Variants in MACROD2 observed in about 807,000 individuals in gnomAD.
MACROD2 encodes the protein ADP-ribose glycohydrolase MACROD2.
In MACROD2, 36 loss-of-function variants were observed where a neutral mutation model predicts 70.4. The ratio of observed to expected loss-of-function variants is 0.51; its 90% CI spans 0.39 to 0.68. The LOEUF (loss-of-function observed/expected upper bound fraction) is 0.68. Ranked by LOEUF, MACROD2 falls within the 30% of genes least tolerant of loss-of-function variation. The pLI, the probability that MACROD2 is intolerant of heterozygous loss-of-function variation, is 0.00. For synonymous variants in MACROD2, 172 were observed against 178.8 expected (o/e 0.96, Z 0.30); for missense variants, 496 against 538.4 (o/e 0.92, Z 0.78).
At chr20:14,155,317 A>G (rs1601289528) in intron 3 of MACROD2, among the ~76,000 whole-genome samples, 1 of 152,186 alleles carries the variant, frequency 6.6e-6, no homozygotes, top group East Asian at 1.9e-4. Flanking sequence ...TGGCTCAAAA[A>G]TCAGTTAAAA....
intron 3 of MACROD2, among the ~76,000 whole-genome samples, chr20:14,282,886 G>A (rs1251335622): frequency 6.6e-6 from 1 of 152,156 alleles, no homozygotes; most frequent in Non-Finnish European, 1.5e-5. Context: ...CTTCCCACTA[G>A]GCCCCACCTC....
intron 8 of MACROD2, among the ~76,000 whole-genome samples, chr20:15,620,989 G>A (rs901074699): frequency 6.6e-6 from 1 of 152,108 alleles, no homozygotes; most frequent in African/African-American, 2.4e-5. Flanking sequence ...AAGTTTTGTG[G>A]ACTCCCCGGT....
intron 8 of MACROD2, among the ~76,000 whole-genome samples, chr20:15,542,030 C>T (rs750746043): frequency 6.6e-6 from 1 of 152,156 alleles, no homozygotes. Context: ...GAAAGAAACC[C>T]GTGTGACTGC....
chr20:14,384,621 G>A (rs1480430784), intron 3 of MACROD2, among the ~76,000 whole-genome samples: 1 of 152,144 alleles, frequency 6.6e-6, no homozygotes, highest in Non-Finnish European at 1.5e-5. Context: ...AATGGAGTCT[G>A]AGCAAGTGGA....
intron 7 of MACROD2, among the ~76,000 whole-genome samples, chr20:15,494,994 A>C (rs1890740428): frequency 6.6e-6 from 1 of 152,182 alleles, no homozygotes; most frequent in Admixed American, 6.5e-5. Context: ...AACTCCCTGC[A>C]TGCCTGACCC....
chr20:15,144,977 TGTGTG>T (rs1477249911), intron 5 of MACROD2, among the ~76,000 whole-genome samples: 1 of 152,198 alleles, frequency 6.6e-6, no homozygotes, highest in Non-Finnish European at 1.5e-5. Context: ...ATTTGGCACT[TGTGTG>T]GTACATATAT....
chr20:15,668,848 G>T (rs1474411752), intron 8 of MACROD2, among the ~76,000 whole-genome samples: 1 of 152,196 alleles, frequency 6.6e-6, no homozygotes, highest in African/African-American at 2.4e-5. Flanking sequence ...TTAGCAAAAT[G>T]GTGATTCTCT....
intron 5 of MACROD2, among the ~76,000 whole-genome samples, chr20:15,047,184 G>A (rs560184341): frequency 6.6e-6 from 1 of 152,160 alleles, no homozygotes; most frequent in Non-Finnish European, 1.5e-5. Flanking sequence ...ACATCTGATT[G>A]AGGATACGTG....
intron 5 of MACROD2, among the ~76,000 whole-genome samples, chr20:15,010,439 C>T (rs1169382438): frequency 3.9e-5 from 6 of 152,196 alleles, no homozygotes; most frequent in African/African-American, 1.4e-4. Context: ...CCCAAGATCA[C>T]TATAGCCGTG....
intron 3 of MACROD2, among the ~76,000 whole-genome samples, chr20:14,221,512 A>G (rs1003724170): frequency 6.6e-6 from 1 of 152,220 alleles, no homozygotes; most frequent in Non-Finnish European, 1.5e-5. Context: ...TAAATGTAAG[A>G]CCTGAAATGA....
intron 10 of MACROD2, among the ~76,000 whole-genome samples, chr20:15,888,202 A>C (rs1325167570): frequency 6.6e-6 from 1 of 152,198 alleles, no homozygotes; most frequent in Non-Finnish European, 1.5e-5. Flanking sequence ...CTTTTATAAA[A>C]CATAGAGCTC....
intron 4 of MACROD2, among the ~76,000 whole-genome samples, chr20:14,667,797 C>G (rs73102511): frequency 4.6e-5 from 7 of 152,252 alleles, no homozygotes; most frequent in Non-Finnish European, 7.4e-5. Context: ...CTCTTCTCTC[C>G]TATAGCCACT....
At position 14,050,145 on chromosome 20, in the gene MACROD2, G is replaced by A. The variant is rs368016416; in HGVS notation, c.164-35476G>A. Among the ~76,000 whole-genome samples, 7 of 150,346 alleles carry A rather than the reference G, an allele frequency of 4.7e-5. No homozygotes were observed. In the East Asian group the frequency reaches 1.2e-3, roughly 25 times the overall value. On this transcript the variant is annotated intron_variant, in intron 2 of 17. Transcript: ENST00000684519. ...TAGTAGCTGGATACTTCCCTTCCTC[G>A]CTTCCTCATTCATACTGAATGATCA...
intron 2 of MACROD2, among the ~76,000 whole-genome samples, chr20:14,060,827 T>C (rs1230456619): frequency 2.0e-5 from 3 of 152,180 alleles, no homozygotes; most frequent in Non-Finnish European, 2.9e-5. Flanking sequence ...TGTGAATTCA[T>C]TGAGTATAGT....
chr20:14,422,397 C>A (rs939661103), intron 3 of MACROD2, among the ~76,000 whole-genome samples: 5 of 152,172 alleles, frequency 3.3e-5, no homozygotes, highest in African/African-American at 1.2e-4. Context: ...GATTTTAATA[C>A]ATTTACACTT....
At chr20:15,076,584 T>G (rs6034102) in intron 5 of MACROD2, among the ~76,000 whole-genome samples, 18,000 of 152,106 alleles carry the variant, frequency 0.12, 2,722 homozygotes, top group African/African-American at 0.34. Context: ...TTCTCACTTT[T>G]CAGCTCCAAG....
chr20:15,503,710 C>A (rs2047391915), intron 8 of MACROD2, among the ~76,000 whole-genome samples: 2 of 152,190 alleles, frequency 1.3e-5, no homozygotes, highest in South Asian at 4.1e-4. Context: ...TATTCTCATT[C>A]ACCTGCTTAC....
At chr20:15,964,008 A>T (rs1204885444) in intron 12 of MACROD2, among the ~76,000 whole-genome samples, 1 of 152,206 alleles carries the variant, frequency 6.6e-6, no homozygotes. Flanking sequence ...TATAAATTTA[A>T]TTCCAGTTCT....
chr20:15,954,009 T>G (rs775176415), intron 12 of MACROD2, among the ~76,000 whole-genome samples: 2 of 152,184 alleles, frequency 1.3e-5, no homozygotes, highest in Non-Finnish European at 2.9e-5. Context: ...GTTAAACAGA[T>G]AGCTGGCTTT....
Sources: allele counts gnomAD v4.1 joint callset (sites outside exome capture counted in the v4.1 genomes callset), GRCh38; gene constraint gnomAD v4.1.1; transcripts MANE v1.5; gene names NCBI Gene and HGNC (gene_info 2026-07-23, HGNC 2026-07-21).